The following LRRC53 variants were observed in gnomAD, a reference collection of about 807,000 sequenced individuals.
LRRC53 encodes the protein leucine-rich repeat-containing protein 53.
LRRC53 carries 25 observed loss-of-function variants against 13.6 expected under a neutral mutation model. The ratio of observed to expected loss-of-function variants is 1.83; its 90% CI spans 1.34 to 2.56. The LOEUF (loss-of-function observed/expected upper bound fraction) is 2.56. Among genes scored for constraint, LRRC53 ranks in the 30% most tolerant of loss-of-function variants. The probability of loss-of-function intolerance (pLI) is 0.00; values close to 1 mark genes in which losing one functional copy is unlikely to be tolerated. For missense variants in LRRC53, 527 were observed against 275.8 expected, an observed-to-expected ratio of 1.91 and a Z score of -6.45; for synonymous variants, 204 against 109.8, an observed-to-expected ratio of 1.86 and a Z score of -5.37.
At position 74,509,858 on chromosome 1, in the gene LRRC53, A is replaced by AT. The variant is rs755299007; in HGVS notation, c.-27+2667dup. Reference sequence around the variant, plus strand: ...GCCTCAACTTCCCCAGGCTCAGGTGATTTTCCCTCCTCAGCTCCCCAAGTA... The same window carrying AT: ...GCCTCAACTTCCCCAGGCTCAGGTGATTTTTCCCTCCTCAGCTCCCCAAGTA... On this transcript the variant is annotated intron_variant, in intron 1 of 4. Coordinates refer to ENST00000294635, the MANE Select transcript of LRRC53 (RefSeq NM_001382280.1). Among the ~76,000 whole-genome samples, 24 of 126,400 alleles carry AT rather than the reference A, an allele frequency of 1.9e-4. No individual in the cohort carries two copies. The East Asian group carries it at 4.7e-3, about 25-fold the overall frequency. 82.9% of individuals were successfully genotyped at this position (126,400 alleles called of 152,430 possible).
intron 1 of LRRC53, among the ~76,000 whole-genome samples, chr1:74,497,922 G>A (rs775270994): frequency 6.6e-6 from 1 of 152,176 alleles, no homozygotes; most frequent in Non-Finnish European, 1.5e-5. Flanking sequence ...TAAACAGAGA[G>A]TGATACTGTC....
intron 1 of LRRC53, among the ~76,000 whole-genome samples, chr1:74,486,583 T>A (rs1668781698): frequency 6.6e-6 from 1 of 151,382 alleles, no homozygotes; most frequent in Non-Finnish European, 1.5e-5. Flanking sequence ...TAAATATAAT[T>A]AATTGCATGT....
At chr1:74,518,927 A>G in the LRRC53 span, among the ~76,000 whole-genome samples, 4 of 78,766 alleles carry the variant, frequency 5.1e-5, no homozygotes, top group Admixed American at 1.9e-4. Context: ...ACATGTGCAC[A>G]TTGTGCAGGT....
chr1:74,510,480 C>T (rs1188273172), intron 1 of LRRC53, among the ~76,000 whole-genome samples: 1 of 152,036 alleles, frequency 6.6e-6, no homozygotes, highest in East Asian at 1.9e-4. Flanking sequence ...TGCACTCTAG[C>T]CTGGGTGACA....
chr1:74,533,869 A>T, the LRRC53 span, among the ~76,000 whole-genome samples: 1 of 152,196 alleles, frequency 6.6e-6, no homozygotes, highest in Non-Finnish European at 1.5e-5. Flanking sequence ...CAATGAGAAG[A>T]CATGTGCTAT....
chr1:74,493,285 A>T (rs982181607), intron 1 of LRRC53, among the ~76,000 whole-genome samples: 2 of 152,234 alleles, frequency 1.3e-5, no homozygotes, highest in African/African-American at 2.4e-5. Context: ...TGGAATTAAA[A>T]TGGTGGTTGT....
intron 1 of LRRC53, among the ~76,000 whole-genome samples, chr1:74,485,206 T>C (rs1378434598): frequency 1.3e-5 from 2 of 152,166 alleles, no homozygotes; most frequent in East Asian, 3.9e-4. Context: ...ACTTGGATGC[T>C]TTAAGAAGGA....
At chr1:74,534,070 T>C in the LRRC53 span, among the ~76,000 whole-genome samples, 7 of 152,162 alleles carry the variant, frequency 4.6e-5, no homozygotes, top group African/African-American at 1.7e-4. Flanking sequence ...AGGGGTTTTA[T>C]AAAAATGTTA....
the LRRC53 span, among the ~76,000 whole-genome samples, chr1:74,522,824 G>A: frequency 6.6e-6 from 1 of 152,134 alleles, no homozygotes; most frequent in Non-Finnish European, 1.5e-5. Context: ...TGGCTTTATG[G>A]AAACTTTACC....
In LRRC53 at chr1:74,470,525, C is replaced by T; in HGVS notation, c.3097G>A (p.Glu1033Lys). The T allele has an allele frequency of 2.5e-6, 1 of 400,644 alleles. No individual in the cohort carries two copies. The highest frequency in any genetic ancestry group is 4.4e-6 in the Non-Finnish European group (1 of 226,174). The allele number at this position is 400,644 out of a possible 1,614,324, so 24.8% of individuals were successfully genotyped here. Residue 1033 changes from glutamate (E) to lysine (K), a missense_variant, in exon 5 of 5, where the codon GAA becomes AAA. Glu to Lys is a moderately conservative substitution (Grantham distance 56). Coordinates refer to ENST00000294635, the MANE Select transcript of LRRC53 (RefSeq NM_001382280.1). ...TNSIPYQNRI[E>K]LPKDISTSPV... Reference sequence around the variant, plus strand: ...GAAGTACTGATATCCTTGGGAAGTTCTATTCTATTTTGGTATGGAATTGAA... The same window carrying T: ...GAAGTACTGATATCCTTGGGAAGTTTTATTCTATTTTGGTATGGAATTGAA...
intron 2 of LRRC53, among the ~76,000 whole-genome samples, chr1:74,481,312 T>A (rs977335449): frequency 6.6e-6 from 1 of 152,188 alleles, no homozygotes; most frequent in African/African-American, 2.4e-5. Context: ...CGAGGCTATG[T>A]ACTGACCTGA....
intron 1 of LRRC53, among the ~76,000 whole-genome samples, chr1:74,508,428 G>T: frequency 6.6e-6 from 1 of 152,118 alleles, no homozygotes; most frequent in African/African-American, 2.4e-5. Flanking sequence ...TTTCACAGAT[G>T]AGAAAAAATA....
intron 1 of LRRC53, among the ~76,000 whole-genome samples, chr1:74,504,892 T>C (rs1401735381): frequency 6.6e-6 from 1 of 152,192 alleles, no homozygotes; most frequent in Non-Finnish European, 1.5e-5. Context: ...AAGCGTTTTG[T>C]AATACTAATT....
chr1:74,489,611 T>C (rs1426230008), intron 1 of LRRC53, among the ~76,000 whole-genome samples: 1 of 152,248 alleles, frequency 6.6e-6, no homozygotes, highest in Non-Finnish European at 1.5e-5. Context: ...TAAGCCATTG[T>C]TCATTTACAT....
Position 74,495,379 on chromosome 1 carries a change from A to G in LRRC53, c.-26-12004T>C, listed in dbSNP as rs538926714. Among the ~76,000 whole-genome samples, 19 of 152,342 alleles carry G rather than the reference A, an allele frequency of 1.2e-4. No individual in the cohort carries two copies. The East Asian group carries it at 3.7e-3, about 29-fold the overall frequency. Reference sequence around the variant, plus strand: ...ATGTTCTATTCATTACTGTATCCTTAGTATCTATCTAGCAGTATGATTGGC... The same window carrying G: ...ATGTTCTATTCATTACTGTATCCTTGGTATCTATCTAGCAGTATGATTGGC... On this transcript the variant is annotated intron_variant, in intron 1 of 4. Coordinates refer to ENST00000294635, the MANE Select transcript of LRRC53 (RefSeq NM_001382280.1).
At chr1:74,526,283 A>T in the LRRC53 span, among the ~76,000 whole-genome samples, 2 of 152,100 alleles carry the variant, frequency 1.3e-5, no homozygotes, top group South Asian at 2.1e-4. Context: ...ACTTTCCTCA[A>T]TCCAAAAGGG....
the LRRC53 span, among the ~76,000 whole-genome samples, chr1:74,534,054 C>G: frequency 6.6e-6 from 1 of 152,136 alleles, no homozygotes; most frequent in Non-Finnish European, 1.5e-5. Flanking sequence ...TTCCCAGACA[C>G]CCCACAGGGG....
intron 1 of LRRC53, chr1:74,489,377 C>A: frequency 1.1e-6 from 1 of 889,348 alleles, no homozygotes. Flanking sequence ...CATATTTGCC[C>A]TATTCATTAA....
At chr1:74,515,970 C>T (rs777934043), upstream of LRRC53, among the ~76,000 whole-genome samples, 2 of 152,106 alleles carry the variant, frequency 1.3e-5, no homozygotes, top group Non-Finnish European at 2.9e-5. Flanking sequence ...AAGGGACTTG[C>T]CTTTGCAGAA....
Sources: allele counts gnomAD v4.1 joint callset (sites outside exome capture counted in the v4.1 genomes callset), GRCh38; gene constraint gnomAD v4.1.1; transcripts MANE v1.5; gene names NCBI Gene and HGNC (gene_info 2026-07-23, HGNC 2026-07-21).